The following DLEC1 variants were observed in gnomAD, a reference collection of about 807,000 sequenced individuals.
DLEC1 encodes the protein DLEC1 cilia and flagella associated protein.
A neutral mutation model predicts 198.1 loss-of-function variants in DLEC1; 146 were observed. The ratio of observed to expected loss-of-function variants is 0.74; its 90% CI spans 0.64 to 0.85. DLEC1 has a LOEUF of 0.85. Ranked by LOEUF, DLEC1 falls within the 40% of genes least tolerant of loss-of-function variation. The pLI is 0.00. For synonymous variants in DLEC1, 897 were observed against 866.8 expected, an observed-to-expected ratio of 1.03 and a Z score of -0.61; for missense variants, 2,233 against 2,220.0, an observed-to-expected ratio of 1.01 and a Z score of -0.12.
chr3:38,100,701 A>G (rs1167435043), intron 19 of DLEC1, among the ~76,000 whole-genome samples: 1 of 152,228 alleles, frequency 6.6e-6, no homozygotes, highest in Non-Finnish European at 1.5e-5. Context: ...AAACTACGTT[A>G]GCATCAGCTA....
At chr3:38,098,887 G>A (rs1160759655) in intron 18 of DLEC1, among the ~76,000 whole-genome samples, 2 of 152,132 alleles carry the variant, frequency 1.3e-5, no homozygotes, top group African/African-American at 2.4e-5. Context: ...CCATTGCCAA[G>A]TACCTGTTAC....
chr3:38,067,586 A>G (rs1697092368), intron 6 of DLEC1, among the ~76,000 whole-genome samples: 1 of 152,186 alleles, frequency 6.6e-6, no homozygotes, highest in Admixed American at 6.5e-5. Flanking sequence ...TAGGGGTGAC[A>G]TAAAAGTTGG....
At chr3:38,106,755 C>CAAAAAAA (rs4019982) in intron 19 of DLEC1, among the ~76,000 whole-genome samples, 1 of 38,976 alleles carries the variant, frequency 2.6e-5, no homozygotes, top group Non-Finnish European at 5.2e-5. Context: ...GACTCTATCT[C>CAAAAAAA]AAAAAAAAAA....
At position 38,039,612 on chromosome 3, in the gene DLEC1, G is replaced by A. The variant is rs765593838; in HGVS notation, c.387G>A (p.Glu129=). 2.3e-5 allele frequency: 37 copies of A among 1,608,488 alleles called. No homozygotes were observed. In the East Asian group the frequency reaches 7.4e-4, roughly 32 times the overall value. ...GCGGCAGCGAGAATGAGCGCCACGA[G>A]GAGTTCGTGGACCAGCTGCAGCAGG... ...KARGSENERH[E]EFVDQLQQIR... Residue 129 remains glutamate (E), a synonymous_variant, in exon 1 of 37, where the codon GAG becomes GAA. Transcript: ENST00000308059.
chr3:38,052,934 GGC>G (rs1275293462), intron 2 of DLEC1, among the ~76,000 whole-genome samples: 1 of 149,522 alleles, frequency 6.7e-6, no homozygotes, highest in Non-Finnish European at 1.5e-5. Flanking sequence ...AGATTGCAGG[GGC>G]GCGCCGCCAC....
At chr3:38,113,850 G>A (rs1445156073) in intron 25 of DLEC1, among the ~76,000 whole-genome samples, 1 of 152,106 alleles carries the variant, frequency 6.6e-6, no homozygotes, top group Non-Finnish European at 1.5e-5. Flanking sequence ...AGGTAGGATT[G>A]GAGGTGATTA....
At chr3:38,120,344 TG>T in intron 33 of DLEC1, 103 bp from the exon 34 acceptor site, 1 of 1,372,548 alleles carries the variant, frequency 7.3e-7, no homozygotes, top group Non-Finnish European at 1.0e-6. Flanking sequence ...GGCTGTTGGC[TG>T]GGCAAGGCTG....
At chr3:38,090,651 C>A (rs1021366247) in intron 10 of DLEC1, among the ~76,000 whole-genome samples, 2 of 152,224 alleles carry the variant, frequency 1.3e-5, no homozygotes, top group Admixed American at 6.5e-5. Context: ...ATTTGCTGAT[C>A]CAGCGCTTTG....
intron 20 of DLEC1, 104 bp downstream of exon 20, chr3:38,107,841 C>A: frequency 7.7e-7 from 1 of 1,298,146 alleles, no homozygotes; most frequent in Non-Finnish European, 1.1e-6. Context: ...AACAGAGATA[C>A]TCAGCCTCCC....
Position 38,116,573 on chromosome 3 carries a change from G to C in DLEC1, c.3977G>C (p.Cys1326Ser). The C allele has an allele frequency of 6.2e-7, 1 of 1,614,124 alleles. No individual in the cohort carries two copies. Among genetic ancestry groups the C allele is most frequent in the Non-Finnish European group, 8.5e-7 (1 of 1,179,992 alleles). ...LRDQAGNELV[C>S]PDTPEGGCLL... Reference sequence around the variant, plus strand: ...GACCAAGCCGGGAATGAGCTTGTGTGCCCTGATACCCCTGAGGGTGGCTGC... The same window carrying C: ...GACCAAGCCGGGAATGAGCTTGTGTCCCCTGATACCCCTGAGGGTGGCTGC... Residue 1326 changes from cysteine to serine, a missense_variant, in exon 28 of 37, where the codon TGC (cysteine) becomes TCC (serine). Transcript: ENST00000308059.
chr3:38,093,859 C>T (rs963747869), intron 12 of DLEC1, 92 bp downstream of exon 12: 1 of 1,513,766 alleles, frequency 6.6e-7, no homozygotes, highest in Admixed American at 1.9e-5. Flanking sequence ...CTTCCAAGGG[C>T]CTGGGGAAGA....
intron 1 of DLEC1, among the ~76,000 whole-genome samples, chr3:38,044,116 G>A (rs954046913): frequency 6.6e-6 from 1 of 152,014 alleles, no homozygotes; most frequent in African/African-American, 2.4e-5. Context: ...ATATGGTGGT[G>A]TATGCCTGTA....
chr3:38,073,430 G>C (rs898096286), intron 6 of DLEC1, among the ~76,000 whole-genome samples: 2 of 152,138 alleles, frequency 1.3e-5, no homozygotes, highest in African/African-American at 4.8e-5. Flanking sequence ...AGTGGGGTAA[G>C]GGTGATTAGG....
chr3:38,050,361 A>C (rs1175420505), intron 2 of DLEC1, among the ~76,000 whole-genome samples: 1 of 152,136 alleles, frequency 6.6e-6, no homozygotes, highest in Non-Finnish European at 1.5e-5. Context: ...GTCTTAGTTC[A>C]TTTGTGTTGC....
chr3:38,068,131 G>A (rs765375884), intron 6 of DLEC1, among the ~76,000 whole-genome samples: 10 of 152,132 alleles, frequency 6.6e-5, no homozygotes, highest in Non-Finnish European at 1.3e-4. Context: ...AATCTTGTAA[G>A]TTGCACAGCA....
rs537677503 is a variant in DLEC1 at position 38,060,967 on chromosome 3, G to A, written c.673+1115G>A. On this transcript the variant is annotated intron_variant, in intron 3 of 36. Coordinates refer to ENST00000308059, the MANE Select transcript of DLEC1 (RefSeq NM_007335.4). ...CCCAAAGTGCTGGGATTACAGGCAT[G>A]AGCCACCGCACCCGGCCACCACTTA... Among the ~76,000 whole-genome samples the A allele has an allele frequency of 7.2e-5, 11 of 152,238 alleles. No homozygotes were observed. In the South Asian group the frequency reaches 2.3e-3, roughly 32 times the overall value.
rs113519411 is a variant in DLEC1 at position 38,116,805 on chromosome 3, G to A, written c.4095G>A (p.Val1365=). The A allele has an allele frequency of 4.8e-5, 77 of 1,613,716 alleles. No homozygotes were observed. In the African/African-American group the frequency reaches 8.4e-4, roughly 18 times the overall value. The change falls in exon 29 of 37, where the codon GTG becomes GTA. Residue 1365 remains valine, a synonymous_variant. Transcript: ENST00000308059. ...VEGSSSASNR[V]AQKLISVILQ... ...GCAGCTCCAGTGCCAGCAATAGGGT[G>A]GCACAGAAGCTCATCTCAGTCATCC...
At chr3:38,073,495 G>A (rs1013008848) in intron 6 of DLEC1, among the ~76,000 whole-genome samples, 3 of 152,116 alleles carry the variant, frequency 2.0e-5, no homozygotes, top group Non-Finnish European at 4.4e-5. Flanking sequence ...GAGTAGAGAT[G>A]TCTTATACTT....
At chr3:38,087,260 C>A (rs1025497708) in intron 9 of DLEC1, among the ~76,000 whole-genome samples, 1 of 151,950 alleles carries the variant, frequency 6.6e-6, no homozygotes, top group East Asian at 1.9e-4. Flanking sequence ...AGCACTGACA[C>A]CATCCATCAG....
Sources: gnomAD v4.1 joint callset for allele counts (sites outside exome capture counted in the v4.1 genomes callset) on GRCh38, gnomAD v4.1.1 for gene constraint, MANE v1.5 for transcripts, NCBI Gene and HGNC (gene_info 2026-07-23, HGNC 2026-07-21) for gene names.